The following SHANK2 variants were observed in gnomAD, a reference collection of about 807,000 sequenced individuals.
The protein encoded by SHANK2 is SH3 and multiple ankyrin repeat domains 2.
SHANK2 carries 43 observed loss-of-function variants against 133.7 expected under a neutral mutation model. That is an observed-to-expected ratio of 0.32 (90% CI 0.25 to 0.41). The LOEUF (loss-of-function observed/expected upper bound fraction) is 0.41. Ranked by LOEUF, SHANK2 falls within the 10% of genes least tolerant of loss-of-function variation. The pLI, the probability that SHANK2 is intolerant of heterozygous loss-of-function variation, is 1.00. For synonymous variants in SHANK2, 1,017 were observed against 952.8 expected (o/e 1.07, Z -1.24); for missense variants, 1,994 against 2,235.8 (o/e 0.89, Z 2.18).
At chr11:70,801,421 T>C (rs1259336385) in intron 13 of SHANK2, among the ~76,000 whole-genome samples, 1 of 152,140 alleles carries the variant, frequency 6.6e-6, no homozygotes, top group Admixed American at 6.5e-5. Flanking sequence ...TTTCTGGTTG[T>C]GCAAATGGTA....
intron 15 of SHANK2, among the ~76,000 whole-genome samples, chr11:70,684,652 G>C (rs1555019083): frequency 6.6e-6 from 1 of 152,112 alleles, no homozygotes; most frequent in Non-Finnish European, 1.5e-5. Flanking sequence ...AGGAAGCACA[G>C]GCTGTGGAAA....
rs1469501655 is a variant in SHANK2, at chr11:70,563,540, T to TTC, written c.2062-60610_2062-60609insGA. Among the ~76,000 whole-genome samples the TTC allele has an allele frequency of 4.9e-3, 7 of 1,416 alleles. No homozygotes were observed. In the Admixed American group the frequency reaches 0.18, roughly 37 times the overall value. 0.9% of individuals were successfully genotyped at this position (1,416 alleles called of 152,430 possible). A position where few individuals can be genotyped will look rare whatever the true frequency, so the allele number is the denominator to read the frequency against. On this transcript the variant is annotated intron_variant, in intron 17 of 25. Transcript: ENST00000601538. Reference sequence around the variant, plus strand: ...TTGGTGTATTTCCATCTGTGGTCACTTTTTTTTTTTTTTTTGAGATGGAGT... The same window carrying TTC: ...TTGGTGTATTTCCATCTGTGGTCACTTCTTTTTTTTTTTTTTTGAGATGGAGT...
intron 10 of SHANK2, among the ~76,000 whole-genome samples, chr11:70,911,638 A>G (rs1411385981): frequency 2.0e-5 from 3 of 152,140 alleles, no homozygotes; most frequent in African/African-American, 7.2e-5. Flanking sequence ...TGATTCCAGG[A>G]CTCAGGCCAA....
intron 21 of SHANK2, 92 bp from the exon 22 acceptor site, chr11:70,492,557 C>T (rs961718730): frequency 1.3e-6 from 2 of 1,535,670 alleles, no homozygotes; most frequent in Admixed American, 1.7e-5. Context: ...GCCACTCCAA[C>T]ATCCAAAACT....
intron 17 of SHANK2, among the ~76,000 whole-genome samples, chr11:70,509,640 A>G (rs909917272): frequency 6.6e-6 from 1 of 152,228 alleles, no homozygotes; most frequent in Non-Finnish European, 1.5e-5. Context: ...GGGGACTTGC[A>G]GTGGCTGCAT....
chr11:70,514,037 A>C (rs2059237133), intron 17 of SHANK2, among the ~76,000 whole-genome samples: 1 of 152,206 alleles, frequency 6.6e-6, no homozygotes, highest in Admixed American at 6.5e-5. Context: ...GTGAATCCCC[A>C]AAAAGATAAG....
chr11:70,853,864 C>T (rs1949128594), intron 11 of SHANK2, among the ~76,000 whole-genome samples: 1 of 152,202 alleles, frequency 6.6e-6, no homozygotes. Context: ...TGGCCTTCCT[C>T]TCTTGGTGTG....
At chr11:70,797,139 G>A (rs1947931721) in intron 14 of SHANK2, among the ~76,000 whole-genome samples, 1 of 152,184 alleles carries the variant, frequency 6.6e-6, no homozygotes, top group Non-Finnish European at 1.5e-5. Flanking sequence ...TCGGTTCCAT[G>A]GCCAACAAAT....
intron 11 of SHANK2, among the ~76,000 whole-genome samples, chr11:70,883,603 C>T (rs561715650): frequency 3.3e-5 from 5 of 152,256 alleles, no homozygotes; most frequent in Admixed American, 6.5e-5. Flanking sequence ...CACAGGACTC[C>T]GGGAGCCCAC....
intron 25 of SHANK2, among the ~76,000 whole-genome samples, chr11:70,475,433 G>A (rs74670023): frequency 0.015 from 2,341 of 152,284 alleles, 53 homozygotes; most frequent in African/African-American, 0.054. Flanking sequence ...ACCTGGAGAC[G>A]GGCCCCGCTG....
intron 17 of SHANK2, among the ~76,000 whole-genome samples, chr11:70,605,081 G>C: frequency 6.6e-6 from 1 of 152,248 alleles, no homozygotes; most frequent in East Asian, 1.9e-4. Flanking sequence ...GCAGCCCTCC[G>C]AGGATGGGAG....
rs781891579 is a variant in SHANK2, at chr11:70,485,598, G to A, written c.4695C>T (p.Asp1565=). The A allele has an allele frequency of 1.1e-5, 18 of 1,613,826 alleles. No homozygotes were observed. The highest frequency in any genetic ancestry group is 4.0e-5 in the African/African-American group (3 of 74,936). The change falls in exon 25 of 26, where the codon GAC becomes GAT. Residue 1565 remains aspartate (D), a synonymous_variant. Transcript: ENST00000601538. The surrounding 1 kb of genome is among the most constrained non-coding windows in gnomAD (Gnocchi z 5.8). ...TATCTACATCTTCTTCCACGAGCGC[G>A]TCTTGATAAAGTGCATTGCTTTTGT... is the stretch of plus-strand genomic sequence containing the variant. ...IIHKSNALYQ[D]ALVEEDVDSF...
intron 17 of SHANK2, among the ~76,000 whole-genome samples, chr11:70,548,635 G>A (rs782821018): frequency 1.6e-4 from 24 of 152,178 alleles, no homozygotes; most frequent in Admixed American, 3.9e-4. Context: ...GCTGCCCTGC[G>A]CAAGTGCTGA....
chr11:71,067,578 G>A (rs1412880358), intron 9 of SHANK2, among the ~76,000 whole-genome samples: 1 of 152,140 alleles, frequency 6.6e-6, no homozygotes, highest in Non-Finnish European at 1.5e-5. Flanking sequence ...GTGTGGAGGT[G>A]GTAAGGCCTG....
chr11:70,674,333 T>C (rs1555016726), intron 15 of SHANK2, among the ~76,000 whole-genome samples: 1 of 152,090 alleles, frequency 6.6e-6, no homozygotes, highest in African/African-American at 2.4e-5. Context: ...TGACACATTG[T>C]AATGGGAAGT....
intron 12 of SHANK2, 98 bp downstream of exon 12, chr11:70,820,266 T>C (rs1555055470): frequency 1.7e-6 from 1 of 579,958 alleles, no homozygotes; most frequent in South Asian, 2.3e-5. Context: ...TGGAATAAAA[T>C]GGGCTTCCTG....
Position 71,103,922 on chromosome 11 carries a change from C to CCT in SHANK2, c.592+6017_592+6018dup, listed in dbSNP as rs143494541. On this transcript the variant is annotated intron_variant, in intron 6 of 25. Coordinates refer to ENST00000601538, the MANE Select transcript of SHANK2 (RefSeq NM_012309.5). ...GCTTTCACCACGGGATGCACCTGCT[C>CCT]CTCTCTCTCTCTCTCTCTCCCTTGC... Among the ~76,000 whole-genome samples the CCT allele has an allele frequency of 9.3e-3, 1,280 of 137,918 alleles. 26 individuals carry two copies. The highest frequency in any genetic ancestry group is 0.032 in the African/African-American group (1,180 of 37,404). The allele number at this position is 137,918 out of a possible 152,430, so 90.5% of individuals were successfully genotyped here.
chr11:71,250,124 G>A (rs879962012), intron 1 of SHANK2, among the ~76,000 whole-genome samples: 3 of 124,824 alleles, frequency 2.4e-5, no homozygotes, highest in South Asian at 3.1e-4. Context: ...CCCTCCCCGG[G>A]GGTGGGGGGG....
chr11:71,152,775 G>T (rs562695472), intron 2 of SHANK2, among the ~76,000 whole-genome samples: 1 of 152,294 alleles, frequency 6.6e-6, no homozygotes, highest in Non-Finnish European at 1.5e-5. Flanking sequence ...TATCCTGGGA[G>T]CTCATGGCCA....
Sources: gnomAD v4.1 joint callset for allele counts (sites outside exome capture counted in the v4.1 genomes callset) on GRCh38, gnomAD v4.1.1 for gene constraint, Gnocchi (gnomAD v3.1) non-coding constraint, MANE v1.5 for transcripts, NCBI Gene and HGNC (gene_info 2026-07-23, HGNC 2026-07-21) for gene names.